The following SLC2A13 variants were observed in gnomAD, a reference collection of about 807,000 sequenced individuals.
SLC2A13 encodes the protein solute carrier family 2 member 13.
In SLC2A13, 32 loss-of-function variants were observed where a neutral mutation model predicts 64.4. The ratio of observed to expected loss-of-function variants is 0.50; its 90% CI spans 0.37 to 0.67. The LOEUF (loss-of-function observed/expected upper bound fraction) is 0.67. Among genes scored for constraint, SLC2A13 ranks in the 30% least tolerant of loss-of-function variants. SLC2A13 has a pLI of 0.00. For synonymous variants in SLC2A13, 338 were observed against 327.1 expected (o/e 1.03, Z -0.36); for missense variants, 743 against 829.2 (o/e 0.90, Z 1.28).
rs570672645 is a variant in SLC2A13 at position 39,868,257 on chromosome 12, A to G, written c.1199-3375T>C. On this transcript the variant is annotated intron_variant, in intron 5 of 9. Transcript: ENST00000280871. Reference sequence around the variant, plus strand: ...CTCTCTTAACCAAATACAGTATTAGATTTTGGAATTTTGATATAATTTGGC... The same window carrying G: ...CTCTCTTAACCAAATACAGTATTAGGTTTTGGAATTTTGATATAATTTGGC... Among the ~76,000 whole-genome samples the G allele has an allele frequency of 1.1e-3, 167 of 152,302 alleles. 2 individuals are homozygous for G. The highest frequency in any genetic ancestry group is 3.7e-3 in the African/African-American group (154 of 41,578).
intron 2 of SLC2A13, among the ~76,000 whole-genome samples, chr12:40,043,341 G>T (rs567107838): frequency 1.3e-5 from 2 of 152,154 alleles, no homozygotes; most frequent in African/African-American, 4.8e-5. Context: ...AAAAATATTA[G>T]CAAAGAAGAC....
At chr12:39,763,243 A>C (rs964069205) in intron 9 of SLC2A13, among the ~76,000 whole-genome samples, 1 of 152,122 alleles carries the variant, frequency 6.6e-6, no homozygotes, top group South Asian at 2.1e-4. Flanking sequence ...CTTTCCAAGA[A>C]AATAAATATT....
At chr12:39,963,766 T>C (rs550426931) in intron 3 of SLC2A13, among the ~76,000 whole-genome samples, 1 of 152,356 alleles carries the variant, frequency 6.6e-6, no homozygotes, top group African/African-American at 2.4e-5. Context: ...AAGTTTTATA[T>C]GGATATTGAG....
intron 7 of SLC2A13, among the ~76,000 whole-genome samples, chr12:39,825,402 T>A (rs1201970455): frequency 6.6e-6 from 1 of 152,202 alleles, no homozygotes; most frequent in Non-Finnish European, 1.5e-5. Context: ...AATGTGTGTC[T>A]TTCCACTACT....
intron 4 of SLC2A13, among the ~76,000 whole-genome samples, chr12:39,919,946 A>G (rs980755591): frequency 2.0e-5 from 3 of 151,978 alleles, no homozygotes; most frequent in Non-Finnish European, 4.4e-5. Flanking sequence ...TTTTGTAAAC[A>G]ACTCTTGGCA....
chr12:39,916,138 T>C (rs1017771656), intron 4 of SLC2A13, among the ~76,000 whole-genome samples: 4 of 151,860 alleles, frequency 2.6e-5, no homozygotes, highest in African/African-American at 7.3e-5. Context: ...CTAAGGTGAT[T>C]ATAAAGGGGC....
intron 4 of SLC2A13, among the ~76,000 whole-genome samples, chr12:39,882,304 C>T (rs115114062): frequency 0.011 from 1,606 of 152,236 alleles, 24 homozygotes; most frequent in African/African-American, 0.035. Flanking sequence ...CAAGAATTTG[C>T]CTTTCCAACA....
chr12:39,936,627 G>C (rs1403315028), intron 4 of SLC2A13, among the ~76,000 whole-genome samples: 1 of 152,158 alleles, frequency 6.6e-6, no homozygotes, highest in African/African-American at 2.4e-5. Flanking sequence ...ACAGAAAATG[G>C]AATGAAGATC....
At chr12:39,974,663 C>T (rs12317006) in intron 3 of SLC2A13, among the ~76,000 whole-genome samples, 2,399 of 152,260 alleles carry the variant, frequency 0.016, 58 homozygotes, top group African/African-American at 0.053. Context: ...AAGATACGTT[C>T]AAATTATTAA....
chr12:40,101,779 C>G (rs192728321), intron 1 of SLC2A13, among the ~76,000 whole-genome samples: 1 of 152,062 alleles, frequency 6.6e-6, no homozygotes, highest in East Asian at 1.9e-4. Context: ...ATTAACTCCA[C>G]CTTAAATGCC....
intron 9 of SLC2A13, among the ~76,000 whole-genome samples, chr12:39,762,983 T>C (rs1255428432): frequency 6.6e-6 from 1 of 152,050 alleles, no homozygotes. Flanking sequence ...AAAAGTATAA[T>C]CATGTAAACT....
intron 3 of SLC2A13, among the ~76,000 whole-genome samples, chr12:39,997,549 G>A (rs1319014567): frequency 6.6e-6 from 1 of 152,096 alleles, no homozygotes; most frequent in African/African-American, 2.4e-5. Context: ...GCCATAATCA[G>A]GCCAGGCATA....
chr12:39,913,096 C>A (rs1945457757), intron 4 of SLC2A13, among the ~76,000 whole-genome samples: 1 of 151,834 alleles, frequency 6.6e-6, no homozygotes, highest in African/African-American at 2.4e-5. Flanking sequence ...AGAGTAAATA[C>A]CTTAGTAAAT....
intron 7 of SLC2A13, among the ~76,000 whole-genome samples, chr12:39,810,995 G>A (rs1942141193): frequency 6.6e-6 from 1 of 152,050 alleles, no homozygotes; most frequent in African/African-American, 2.4e-5. Context: ...AGTTTATATA[G>A]GATTGGCATT....
chr12:40,030,061 A>G (rs556147938), intron 2 of SLC2A13, among the ~76,000 whole-genome samples: 3 of 152,332 alleles, frequency 2.0e-5, no homozygotes, highest in South Asian at 4.1e-4. Context: ...TTTATGAAAT[A>G]ACACATAAGC....
At chr12:39,763,804 C>A (rs1287976112) in intron 9 of SLC2A13, among the ~76,000 whole-genome samples, 1 of 152,084 alleles carries the variant, frequency 6.6e-6, no homozygotes, top group South Asian at 2.1e-4. Context: ...AAAGCAAAGT[C>A]TTTTCCTGAC....
chr12:39,786,328 T>C (rs1234155710), intron 7 of SLC2A13, among the ~76,000 whole-genome samples: 2 of 143,034 alleles, frequency 1.4e-5, no homozygotes, highest in Non-Finnish European at 3.1e-5. Flanking sequence ...TTCCTCCTCA[T>C]TTTTCTCTTG....
At chr12:39,917,937 C>T (rs1460347346) in intron 4 of SLC2A13, among the ~76,000 whole-genome samples, 4 of 151,904 alleles carry the variant, frequency 2.6e-5, no homozygotes, top group African/African-American at 7.3e-5. Context: ...CTCAGCTTCC[C>T]GTTTCTCAAT....
Position 39,951,439 on chromosome 12 carries a change from CAAATTTTCCT to C in SLC2A13, c.926-84_926-75del. On this transcript the variant is annotated intron_variant, in intron 3 of 9. Transcript: ENST00000280871. ...CTCATAGTAATTATTCCCAATAGGA[CAAATTTTCCT>C]AAATCTTCATGAAATCAACATGACT... 6 of 1,199,766 alleles carry C rather than the reference CAAATTTTCCT, an allele frequency of 5.0e-6. No homozygotes were observed. In the South Asian group the frequency reaches 1.2e-4, roughly 24 times the overall value. The allele number at this position is 1,199,766 out of a possible 1,614,324, so 74.3% of individuals were successfully genotyped here. A position where few individuals can be genotyped will look rare whatever the true frequency, so the allele number is the denominator to read the frequency against.
Sources: gnomAD v4.1 joint callset for allele counts (sites outside exome capture counted in the v4.1 genomes callset) on GRCh38, gnomAD v4.1.1 for gene constraint, MANE v1.5 for transcripts, NCBI Gene and HGNC (gene_info 2026-07-23, HGNC 2026-07-21) for gene names.